Variants in IPO11 observed in about 807,000 individuals in gnomAD.
The protein encoded by IPO11 is importin-11.
In IPO11, 66 loss-of-function variants were observed where a neutral mutation model predicts 143.2. The ratio of observed to expected loss-of-function variants is 0.46; its 90% CI spans 0.38 to 0.57. IPO11 has a LOEUF of 0.57. Among genes scored for constraint, IPO11 ranks in the 20% least tolerant of loss-of-function variants. The pLI is 0.00. For missense variants in IPO11, 1,026 were observed against 1,141.0 expected, an observed-to-expected ratio of 0.90 and a Z score of 1.45; for synonymous variants, 385 against 377.8, an observed-to-expected ratio of 1.02 and a Z score of -0.22.
At chr5:62,581,335 T>C in intron 27 of IPO11, 1 of 1,452,620 alleles carries the variant, frequency 6.9e-7, no homozygotes, top group Non-Finnish European at 9.1e-7. Context: ...TATAAGAAAC[T>C]TCAGTGCCAT....
rs985597686 is a variant in IPO11, at chr5:62,491,916, C to T, written c.1463+1696C>T. Among the ~76,000 whole-genome samples, 7 of 152,006 alleles carry T rather than the reference C, an allele frequency of 4.6e-5. No homozygotes were observed. The East Asian group carries it at 1.2e-3, about 25-fold the overall frequency. On this transcript the variant is annotated intron_variant, in intron 15 of 29. Transcript: ENST00000325324. ...CGATCTCCTGACCTCGTGATCTGCC[C>T]GCCTTGGCCTCCCAAAGAATAAGAT...
At chr5:62,519,076 A>T (rs1481974536) in intron 20 of IPO11, among the ~76,000 whole-genome samples, 1 of 152,202 alleles carries the variant, frequency 6.6e-6, no homozygotes, top group African/African-American at 2.4e-5. Context: ...GCCTCCTGAC[A>T]GAGGTGTTAC....
intron 1 of IPO11, among the ~76,000 whole-genome samples, chr5:62,424,040 A>G (rs950780662): frequency 6.6e-6 from 1 of 151,634 alleles, no homozygotes; most frequent in Non-Finnish European, 1.5e-5. Context: ...TTTTTCTGAG[A>G]CATGGTCTCA....
rs1742364701 is a variant in IPO11 at position 62,526,204 on chromosome 5, A to G, written c.1959A>G (p.Thr653=). The G allele has an allele frequency of 6.2e-7, 1 of 1,613,812 alleles. No individual in the cohort carries two copies. Among genetic ancestry groups the G allele is most frequent in the Non-Finnish European group, 8.5e-7 (1 of 1,179,798 alleles). The part of the protein sequence containing the change: ...PFLLPVIQLS[T]DVSQPPHVYL... Reference sequence around the variant, plus strand: ...TGCTCCCAGTTATTCAACTGAGTACAGATGTTTCACAGCCTCCACATGTTT... The same window carrying G: ...TGCTCCCAGTTATTCAACTGAGTACGGATGTTTCACAGCCTCCACATGTTT... Residue 653 remains threonine (T), a synonymous_variant, in exon 21 of 30, where the codon ACA becomes ACG. Coordinates refer to ENST00000325324, the MANE Select transcript of IPO11 (RefSeq NM_016338.5).
intron 27 of IPO11, among the ~76,000 whole-genome samples, chr5:62,589,014 A>G (rs1329891692): frequency 1.3e-5 from 2 of 152,144 alleles, no homozygotes; most frequent in Non-Finnish European, 2.9e-5. Flanking sequence ...GTGTGCCTCC[A>G]AGGGAGTGTG....
chr5:62,517,296 G>T (rs192115353), intron 20 of IPO11, among the ~76,000 whole-genome samples: 51 of 152,256 alleles, frequency 3.3e-4, no homozygotes, highest in Non-Finnish European at 6.0e-4. Flanking sequence ...TTATAGAAGA[G>T]GATAAAGACT....
intron 7 of IPO11, among the ~76,000 whole-genome samples, chr5:62,471,015 A>G (rs1353445688): frequency 6.6e-6 from 1 of 151,162 alleles, no homozygotes; most frequent in Non-Finnish European, 1.5e-5. Context: ...TTTAGTAGAG[A>G]CGAAGTTTTA....
intron 29 of IPO11, among the ~76,000 whole-genome samples, chr5:62,614,998 C>G (rs1746077623): frequency 6.6e-6 from 1 of 152,276 alleles, no homozygotes; most frequent in Non-Finnish European, 1.5e-5. Context: ...CAGCCGAACT[C>G]CTATTGGCGT....
intron 1 of IPO11, among the ~76,000 whole-genome samples, chr5:62,416,443 A>G (rs530457518): frequency 1.9e-3 from 296 of 151,886 alleles, no homozygotes; most frequent in African/African-American, 6.6e-3. Context: ...CAGCCTCCCA[A>G]AGTGCTGGGA....
intron 7 of IPO11, among the ~76,000 whole-genome samples, chr5:62,472,385 T>G (rs1039580739): frequency 1.3e-5 from 2 of 152,188 alleles, no homozygotes; most frequent in African/African-American, 4.8e-5. Context: ...GCTTTGGCTT[T>G]CCCTTGAGAG....
rs187794083 is a variant in IPO11 at position 62,541,823 on chromosome 5, T to A, written c.2250+4534T>A. Among the ~76,000 whole-genome samples, 54 of 152,304 alleles carry A rather than the reference T, an allele frequency of 3.5e-4. 2 individuals carry two copies. The highest frequency in any genetic ancestry group is 1.2e-4 in the Non-Finnish European group (8 of 68,024). ...CAAAAATCTATAGTCAAATATGTAG[T>A]CATTATTTTTGTAACGTTTAATATG... On this transcript the variant is annotated intron_variant, in intron 24 of 29. Coordinates refer to ENST00000325324, the MANE Select transcript of IPO11 (RefSeq NM_016338.5).
At chr5:62,601,137 C>T (rs928043894) in intron 28 of IPO11, 1 of 152,222 alleles carries the variant, frequency 6.6e-6, no homozygotes, top group Non-Finnish European at 1.5e-5. Flanking sequence ...GTTTGATTCA[C>T]TAGACAGTGT....
intron 5 of IPO11, among the ~76,000 whole-genome samples, chr5:62,463,904 A>G (rs904499477): frequency 6.6e-6 from 1 of 151,082 alleles, no homozygotes; most frequent in African/African-American, 2.4e-5. Context: ...GCTCAGTGCA[A>G]CCTCCACCTC....
chr5:62,521,453 A>C (rs1742197747), intron 20 of IPO11, among the ~76,000 whole-genome samples: 2 of 151,506 alleles, frequency 1.3e-5, no homozygotes, highest in African/African-American at 2.4e-5. Flanking sequence ...CTAATTCTTG[A>C]TTCTTGAATG....
intron 1 of IPO11, among the ~76,000 whole-genome samples, chr5:62,420,103 A>T (rs747621106): frequency 6.6e-6 from 1 of 151,978 alleles, no homozygotes; most frequent in Non-Finnish European, 1.5e-5. Flanking sequence ...AGCCTGGCCA[A>T]CATGGTGATA....
At chr5:62,455,897 G>T (rs1745131186) in intron 5 of IPO11, among the ~76,000 whole-genome samples, 1 of 151,880 alleles carries the variant, frequency 6.6e-6, no homozygotes, top group African/African-American at 2.4e-5. Flanking sequence ...GCTAATTTTT[G>T]TATTTTTAGT....
intron 1 of IPO11, among the ~76,000 whole-genome samples, chr5:62,414,175 A>T (rs1743212918): frequency 6.6e-6 from 1 of 152,232 alleles, no homozygotes. Flanking sequence ...AGATTATCTG[A>T]TCATTAATAG....
At chr5:62,413,223 G>A (rs1743178264) in intron 1 of IPO11, among the ~76,000 whole-genome samples, 1 of 152,220 alleles carries the variant, frequency 6.6e-6, no homozygotes, top group Non-Finnish European at 1.5e-5. Context: ...TCGTGACCGC[G>A]GTTGCGGACC....
intron 26 of IPO11, among the ~76,000 whole-genome samples, chr5:62,552,187 T>G (rs2112350917): frequency 6.6e-6 from 1 of 152,266 alleles, no homozygotes. Context: ...TGTAAGTCAT[T>G]AATCTGTTAA....
Sources: allele counts gnomAD v4.1 joint callset (sites outside exome capture counted in the v4.1 genomes callset), GRCh38; gene constraint gnomAD v4.1.1; transcripts MANE v1.5; gene names NCBI Gene and HGNC (gene_info 2026-07-23, HGNC 2026-07-21).